The following NECAP2 variants were observed in gnomAD, a reference collection of about 807,000 sequenced individuals.
NECAP2 encodes the protein adaptin ear-binding coat-associated protein 2.
A neutral mutation model predicts 37.8 loss-of-function variants in NECAP2; 38 were observed. The observed-to-expected ratio is 1.01, with a 90% CI of 0.78 to 1.32. The LOEUF is 1.32. Among genes scored for constraint, NECAP2 ranks in the 40% most tolerant of loss-of-function variants. The pLI is 0.00. For missense variants in NECAP2, 316 were observed against 334.5 expected (o/e 0.94, Z 0.43); for synonymous variants, 121 against 127.7 (o/e 0.95, Z 0.35).
At chr1:16,442,602 C>T (rs889777320) in intron 1 of NECAP2, among the ~76,000 whole-genome samples, 2 of 152,202 alleles carry the variant, frequency 1.3e-5, no homozygotes, top group East Asian at 1.9e-4. Context: ...CTGACCTTTT[C>T]TTAGAACTAA....
In NECAP2 at chr1:16,447,062, GAA is replaced by G. The variant is rs57135732; in HGVS notation, c.194-793_194-792del. 1.9e-3 allele frequency among the ~76,000 whole-genome samples: 259 copies of G among 133,232 alleles called. 1 individual carries two copies. The highest frequency in any genetic ancestry group is 3.8e-3 in the Middle Eastern group (1 of 264). The allele number at this position is 133,232 out of a possible 152,430, so 87.4% of individuals were successfully genotyped here. A position where few individuals can be genotyped will look rare whatever the true frequency, so the allele number is the denominator to read the frequency against. The stretch of plus-strand genomic sequence containing the variant: ...GTGACAGAGGGAGACTCCATCTCAG[GAA>G]AAAAAAAAAAAAAAGGTATAAATCA... On this transcript the variant is annotated intron_variant, in intron 2 of 7. Transcript: ENST00000337132.
intron 7 of NECAP2, among the ~76,000 whole-genome samples, chr1:16,457,364 C>T (rs917457731): frequency 6.6e-6 from 1 of 151,908 alleles, no homozygotes; most frequent in Non-Finnish European, 1.5e-5. Flanking sequence ...GGCTGAGGCA[C>T]GAGAATTGCT....
chr1:16,455,424 T>G (rs540631442), intron 6 of NECAP2: 2 of 199,276 alleles, frequency 1.0e-5, no homozygotes, highest in East Asian at 1.2e-4. Context: ...CTTGCGGTTT[T>G]GGTGGACATT....
chr1:16,454,231 G>C (rs2086886422), intron 6 of NECAP2, among the ~76,000 whole-genome samples: 1 of 147,644 alleles, frequency 6.8e-6, no homozygotes, highest in Admixed American at 6.8e-5. Context: ...GGCTAATTTT[G>C]TATTTTTAGT....
At chr1:16,455,994 G>A (rs906679164) in intron 7 of NECAP2, 101 bp downstream of exon 7, 8 of 752,712 alleles carry the variant, frequency 1.1e-5, no homozygotes, top group African/African-American at 1.8e-5. Flanking sequence ...AGGATTAGGA[G>A]TAACAGTTTT....
rs796715518 is a variant in NECAP2, at chr1:16,454,247, C to CG, written c.668-1567dup. On this transcript the variant is annotated intron_variant, in intron 6 of 7. Transcript: ENST00000337132. ...GCTAATTTTGTATTTTTAGTGGAGA[C>CG]GGGGTTTCTCCATGTTGGTCAGGCT... is the stretch of plus-strand genomic sequence containing the variant. Among the ~76,000 whole-genome samples, 151 of 150,108 alleles carry CG rather than the reference C, an allele frequency of 1.0e-3. 2 individuals are homozygous for CG. Among genetic ancestry groups the CG allele is most frequent in the African/African-American group, 3.6e-3 (146 of 40,694 alleles).
chr1:16,450,456 C>T, intron 5 of NECAP2: 1 of 186,814 alleles, frequency 5.4e-6, no homozygotes, highest in Non-Finnish European at 1.1e-5. Flanking sequence ...CTTTTGACTT[C>T]AGGGCTGGAC....
At chr1:16,445,218 G>A (rs2086742874) in intron 2 of NECAP2, among the ~76,000 whole-genome samples, 1 of 152,180 alleles carries the variant, frequency 6.6e-6, no homozygotes, top group Non-Finnish European at 1.5e-5. Context: ...TTAGCTCAAG[G>A]TCATGCCTGG....
Position 16,449,192 on chromosome 1 carries a change from C to G in NECAP2, c.480C>G (p.Leu160=), listed in dbSNP as rs1446390055. Residue 160 remains leucine (L), a synonymous_variant, in exon 5 of 8, where the codon CTC becomes CTG. Coordinates refer to ENST00000337132, the MANE Select transcript of NECAP2 (RefSeq NM_018090.5). ...LGFKEGQTIK[L]NIANMKKKEG... ...TCAAGGAGGGCCAGACCATCAAGCT[C>G]AACATCGCAGTGAGTTCTACCCTTG... 8.1e-6 allele frequency: 13 copies of G among 1,610,204 alleles called. No individual in the cohort carries two copies. The highest frequency in any genetic ancestry group is 1.1e-5 in the Non-Finnish European group (13 of 1,177,864).
intron 6 of NECAP2, 115 bp downstream of exon 6, chr1:16,452,130 G>T: frequency 9.2e-7 from 1 of 1,081,806 alleles, no homozygotes; most frequent in South Asian, 1.7e-5. Context: ...TGTAGTACCT[G>T]TCCGTGTCAA....
intron 2 of NECAP2, among the ~76,000 whole-genome samples, chr1:16,444,280 C>A (rs916096330): frequency 1.3e-5 from 2 of 152,184 alleles, no homozygotes; most frequent in Admixed American, 1.3e-4. Context: ...CCACCTGTGC[C>A]TCTGGGTGAG....
At chr1:16,450,070 T>C in intron 5 of NECAP2, 1 of 403,926 alleles carries the variant, frequency 2.5e-6, no homozygotes, top group Non-Finnish European at 5.0e-6. Flanking sequence ...TCCTCTTTAC[T>C]TACTCTTTCT....
Position 16,458,860 on chromosome 1 carries a change from C to T in NECAP2, c.762C>T (p.Thr254=), listed in dbSNP as rs1257335275. The T allele has an allele frequency of 1.9e-6, 3 of 1,613,516 alleles. No homozygotes were observed. In the African/African-American group the frequency reaches 4.0e-5, roughly 22 times the overall value. ...TKSTGSTSSQ[T]QPGTGWVQF ...TTTACAGATCAACTTCCAGCCAGACCCAGCCAGGCACAGGCTGGGTCCAGT... is the reference window on the plus strand; with the variant it reads ...TTTACAGATCAACTTCCAGCCAGACTCAGCCAGGCACAGGCTGGGTCCAGT... The change falls in exon 8 of 8, where the codon ACC becomes ACT. Residue 254 remains threonine, a synonymous_variant. Transcript: ENST00000337132.
intron 6 of NECAP2, among the ~76,000 whole-genome samples, chr1:16,452,782 C>T (rs985242944): frequency 8.6e-5 from 13 of 151,974 alleles, no homozygotes; most frequent in African/African-American, 9.7e-5. Flanking sequence ...CCCCGCCCGC[C>T]GCCCCGCCCA....
At chr1:16,443,774 C>T (rs1260757221) in intron 2 of NECAP2, 42 bp downstream of exon 2, 2 of 1,495,560 alleles carry the variant, frequency 1.3e-6, no homozygotes, top group Non-Finnish European at 1.8e-6. Flanking sequence ...GGGCCGCACC[C>T]CACTTTATGA....
intron 2 of NECAP2, among the ~76,000 whole-genome samples, chr1:16,445,925 A>C (rs980019553): frequency 6.6e-6 from 1 of 151,744 alleles, no homozygotes; most frequent in African/African-American, 2.4e-5. Flanking sequence ...AACAAAAAAA[A>C]GGCCGGGCAC....
At chr1:16,456,325 T>C (rs960487304) in intron 7 of NECAP2, among the ~76,000 whole-genome samples, 32 of 152,196 alleles carry the variant, frequency 2.1e-4, no homozygotes, top group Non-Finnish European at 4.3e-4. Flanking sequence ...GCGCCTGGCC[T>C]GATTTGGATG....
intron 6 of NECAP2, among the ~76,000 whole-genome samples, chr1:16,455,252 T>C (rs2086900011): frequency 1.3e-5 from 2 of 152,218 alleles, no homozygotes; most frequent in Non-Finnish European, 2.9e-5. Context: ...TGGCGTCGCC[T>C]ACCTTGGTGG....
chr1:16,444,509 G>C (rs2100945623), intron 2 of NECAP2, among the ~76,000 whole-genome samples: 1 of 152,356 alleles, frequency 6.6e-6, no homozygotes, highest in South Asian at 2.1e-4. Flanking sequence ...GATGTGGGGT[G>C]AGCCACATGA....
Sources: gnomAD v4.1 joint callset for allele counts (sites outside exome capture counted in the v4.1 genomes callset) on GRCh38, gnomAD v4.1.1 for gene constraint, MANE v1.5 for transcripts, NCBI Gene and HGNC (gene_info 2026-07-23, HGNC 2026-07-21) for gene names.